The following PRELID2 variants were observed in gnomAD, a reference collection of about 807,000 sequenced individuals.
PRELID2 encodes the protein PRELI domain containing 2.
Under a neutral mutation model 28.4 loss-of-function variants are expected in PRELID2, and 25 were observed. The observed-to-expected ratio is 0.88, with a 90% CI of 0.64 to 1.23. PRELID2 has a LOEUF of 1.23. Among genes scored for constraint, PRELID2 ranks in the 50% most tolerant of loss-of-function variants. The probability of loss-of-function intolerance (pLI) is 0.00; values close to 1 mark genes in which losing one functional copy is unlikely to be tolerated. For missense variants in PRELID2, 201 were observed against 214.4 expected, an observed-to-expected ratio of 0.94 and a Z score of 0.39; for synonymous variants, 76 against 71.6, an observed-to-expected ratio of 1.06 and a Z score of -0.31.
the PRELID2 span, among the ~76,000 whole-genome samples, chr5:145,308,932 T>A: frequency 1.6e-4 from 24 of 152,186 alleles, no homozygotes; most frequent in Non-Finnish European, 3.1e-4. Flanking sequence ...TTCCTTGGCC[T>A]CACTCCATCC....
intron 1 of PRELID2, among the ~76,000 whole-genome samples, chr5:145,651,284 T>A (rs1441453946): frequency 6.6e-6 from 1 of 152,106 alleles, no homozygotes; most frequent in Non-Finnish European, 1.5e-5. Flanking sequence ...TGGAGCCCAC[T>A]GCAGGTCAAG....
intron 1 of PRELID2, among the ~76,000 whole-genome samples, chr5:145,526,050 A>T (rs867749275): frequency 6.6e-6 from 1 of 152,230 alleles, no homozygotes; most frequent in African/African-American, 2.4e-5. Context: ...TGGTGCAGCT[A>T]GTGCTATGCC....
At chr5:145,795,006 G>A (rs889696781) in intron 5 of PRELID2, 4 of 151,972 alleles carry the variant, frequency 2.6e-5, no homozygotes, top group African/African-American at 7.3e-5. Flanking sequence ...AATTTTGAAC[G>A]CTGCTTCACC....
chr5:145,408,110 A>G, the PRELID2 span, among the ~76,000 whole-genome samples: 1 of 151,990 alleles, frequency 6.6e-6, no homozygotes, highest in Non-Finnish European at 1.5e-5. Context: ...AGAGCACCAC[A>G]TTGAGGAATT....
chr5:145,240,002 C>T, the PRELID2 span, among the ~76,000 whole-genome samples: 1 of 152,016 alleles, frequency 6.6e-6, no homozygotes, highest in Admixed American at 6.6e-5. Flanking sequence ...GAATTTGGTA[C>T]ATCTTTTGCC....
chr5:145,234,717 A>C, the PRELID2 span, among the ~76,000 whole-genome samples: 2 of 152,070 alleles, frequency 1.3e-5, no homozygotes, highest in African/African-American at 4.8e-5. Flanking sequence ...CTACATCCAA[A>C]CCAGTAGACT....
chr5:145,384,279 G>T, the PRELID2 span, among the ~76,000 whole-genome samples: 1 of 152,164 alleles, frequency 6.6e-6, no homozygotes, highest in East Asian at 1.9e-4. Flanking sequence ...ATTAATGACA[G>T]CATAAATCCA....
intron 1 of PRELID2, among the ~76,000 whole-genome samples, chr5:145,824,463 T>TGTGTGA (rs373555427): frequency 0.041 from 5,867 of 143,564 alleles, 202 homozygotes; most frequent in Middle Eastern, 0.056. Context: ...TGTGTGTGTG[T>TGTGTGA]GATATTGATT....
chr5:145,683,601 A>G lies in PRELID2; in HGVS notation n.70+81330T>C, dbSNP rs559775476. The stretch of plus-strand genomic sequence containing the variant: ...ATCCCTAGTATCTCTCTGCATATCT[A>G]CATTTCCTCTTGTTAAAAGCACACT... On this transcript the variant is annotated intron_variant and non_coding_transcript_variant, in intron 1 of 2. Coordinates refer to the PRELID2 transcript ENST00000510259. 8.5e-5 allele frequency among the ~76,000 whole-genome samples: 13 copies of G among 152,258 alleles called. No individual in the cohort carries two copies. In the East Asian group the frequency reaches 2.5e-3, roughly 29 times the overall value.
At chr5:145,297,038 T>C in the PRELID2 span, among the ~76,000 whole-genome samples, 7 of 151,454 alleles carry the variant, frequency 4.6e-5, no homozygotes, top group African/African-American at 1.7e-4. Context: ...TTGATGGGGT[T>C]GTTTGTTTTT....
At chr5:145,517,853 A>G (rs141529233) in intron 1 of PRELID2, among the ~76,000 whole-genome samples, 3,318 of 152,228 alleles carry the variant, frequency 0.022, 127 homozygotes, top group African/African-American at 0.077. Context: ...GACATGGATG[A>G]AGGTGGAAAC....
chr5:145,346,911 A>T, the PRELID2 span, among the ~76,000 whole-genome samples: 3 of 152,166 alleles, frequency 2.0e-5, no homozygotes, highest in African/African-American at 7.2e-5. Context: ...AACTGTGAGC[A>T]TCCTAGACTA....
At chr5:145,404,415 A>G in the PRELID2 span, among the ~76,000 whole-genome samples, 277 of 152,232 alleles carry the variant, frequency 1.8e-3, 1 homozygote, top group African/African-American at 6.4e-3. Context: ...GCTGTGTGAC[A>G]TTATTTGCAT....
At chr5:145,273,580 T>C in the PRELID2 span, among the ~76,000 whole-genome samples, 2 of 152,104 alleles carry the variant, frequency 1.3e-5, no homozygotes, top group Non-Finnish European at 2.9e-5. Context: ...GAGACGGAAA[T>C]GCTTTTCAGC....
chr5:145,458,049 C>A, the PRELID2 span, among the ~76,000 whole-genome samples: 38 of 152,234 alleles, frequency 2.5e-4, no homozygotes, highest in Admixed American at 2.5e-3. Context: ...AGATTTTAGC[C>A]ACCAACTTGT....
chr5:145,673,256 G>A (rs1027074803), intron 1 of PRELID2, among the ~76,000 whole-genome samples: 11 of 152,094 alleles, frequency 7.2e-5, no homozygotes, highest in Non-Finnish European at 1.6e-4. Flanking sequence ...TGGCTTTTAG[G>A]TATTAACTGC....
chr5:145,577,815 C>T (rs1753073473), intron 1 of PRELID2, among the ~76,000 whole-genome samples: 1 of 152,080 alleles, frequency 6.6e-6, no homozygotes, highest in Non-Finnish European at 1.5e-5. Context: ...CATCTGTCTT[C>T]CACACTAACA....
chr5:145,608,101 T>C (rs917095038), intron 1 of PRELID2, among the ~76,000 whole-genome samples: 4 of 152,000 alleles, frequency 2.6e-5, no homozygotes, highest in Non-Finnish European at 4.4e-5. Context: ...TCCCAATTGC[T>C]TGGTAGATTT....
the PRELID2 span, among the ~76,000 whole-genome samples, chr5:145,282,328 G>A: frequency 6.6e-6 from 1 of 152,100 alleles, no homozygotes; most frequent in Non-Finnish European, 1.5e-5. Flanking sequence ...CATTTGAATA[G>A]TAGAATGAAT....
Sources: gnomAD v4.1 joint callset for allele counts (sites outside exome capture counted in the v4.1 genomes callset) on GRCh38, gnomAD v4.1.1 for gene constraint, MANE v1.5 for transcripts, NCBI Gene and HGNC (gene_info 2026-07-23, HGNC 2026-07-21) for gene names.